Variants in NAA16 observed in about 807,000 individuals in gnomAD.
NAA16 encodes the protein N-alpha-acetyltransferase 16, NatA auxiliary subunit, also known as NARG1-like protein.
Under a neutral mutation model 110.3 loss-of-function variants are expected in NAA16, and 97 were observed. That is an observed-to-expected ratio of 0.88 (90% CI 0.75 to 1.04). The LOEUF (loss-of-function observed/expected upper bound fraction) is 1.04. Among genes scored for constraint, NAA16 ranks in the 50% least tolerant of loss-of-function variants. NAA16 has a pLI of 0.00. For synonymous variants in NAA16, 372 were observed against 330.6 expected, an observed-to-expected ratio of 1.13 and a Z score of -1.36; for missense variants, 1,017 against 1,005.1, an observed-to-expected ratio of 1.01 and a Z score of -0.16.
At chr13:41,353,512 C>T (rs1048954630) in intron 9 of NAA16, among the ~76,000 whole-genome samples, 2 of 151,272 alleles carry the variant, frequency 1.3e-5, no homozygotes, top group Non-Finnish European at 2.9e-5. Context: ...CACCTGTAAT[C>T]CCAGCACTTT....
intron 13 of NAA16, among the ~76,000 whole-genome samples, chr13:41,365,289 A>G (rs933286647): frequency 2.0e-5 from 3 of 152,200 alleles, no homozygotes; most frequent in African/African-American, 7.2e-5. Context: ...TCTACAAATG[A>G]TAAATCACAT....
At chr13:41,368,206 A>AC (rs771117668) in intron 14 of NAA16, among the ~76,000 whole-genome samples, 9 of 152,180 alleles carry the variant, frequency 5.9e-5, no homozygotes, top group Non-Finnish European at 1.0e-4. Flanking sequence ...ATCAGTGAGA[A>AC]TATCTGTACA....
intron 9 of NAA16, among the ~76,000 whole-genome samples, chr13:41,343,398 A>G (rs537004234): frequency 1.5e-3 from 223 of 152,272 alleles, no homozygotes; most frequent in Non-Finnish European, 2.2e-3. Flanking sequence ...CTCTAAGAGC[A>G]TTTTAAATGT....
intron 9 of NAA16, among the ~76,000 whole-genome samples, chr13:41,349,118 C>T (rs939582643): frequency 1.3e-5 from 2 of 151,930 alleles, no homozygotes; most frequent in African/African-American, 2.4e-5. Context: ...TTAATTTTCA[C>T]TTTATTGTGT....
chr13:41,330,732 A>C (rs2042217057), intron 7 of NAA16, among the ~76,000 whole-genome samples: 1 of 152,052 alleles, frequency 6.6e-6, no homozygotes, highest in Admixed American at 6.6e-5. Flanking sequence ...AGTGTAATTT[A>C]TATCTTTTGG....
At chr13:41,370,796 TA>T (rs2043300897) in intron 15 of NAA16, among the ~76,000 whole-genome samples, 1 of 152,146 alleles carries the variant, frequency 6.6e-6, no homozygotes, top group Non-Finnish European at 1.5e-5. Context: ...TCAGGGGTCA[TA>T]AGGACCTTTA....
At chr13:41,328,160 T>C (rs2042142410) in intron 6 of NAA16, 1 of 152,146 alleles carries the variant, frequency 6.6e-6, no homozygotes, top group Admixed American at 6.6e-5. Context: ...TTGTGTGGCT[T>C]AGTAAAAGGA....
intron 16 of NAA16, 62 bp from the exon 17 acceptor site, chr13:41,372,670 T>G (rs2043345396): frequency 1.4e-6 from 2 of 1,446,054 alleles, no homozygotes; most frequent in Non-Finnish European, 1.8e-6. Context: ...GAGACTGAAA[T>G]AAAGTGAGGA....
intron 9 of NAA16, among the ~76,000 whole-genome samples, chr13:41,353,768 T>TACAC (rs58020530): frequency 6.3e-4 from 93 of 146,746 alleles, no homozygotes; most frequent in East Asian, 4.8e-3. Flanking sequence ...CCCTGTCTCT[T>TACAC]ACACACACAC....
chr13:41,316,966 C>T (rs1053134516), intron 2 of NAA16, 36 bp downstream of exon 2: 10 of 1,417,902 alleles, frequency 7.1e-6, no homozygotes, highest in East Asian at 4.6e-5. Flanking sequence ...TTAGGGAAAT[C>T]AAATTCTAAA....
chr13:41,371,219 T>G (rs1172910656), intron 15 of NAA16, among the ~76,000 whole-genome samples: 1 of 152,154 alleles, frequency 6.6e-6, no homozygotes, highest in Non-Finnish European at 1.5e-5. Context: ...ATAGAAGCAG[T>G]AGTGCCAGAA....
chr13:41,364,915 C>G (rs913883742), intron 13 of NAA16, among the ~76,000 whole-genome samples: 5 of 152,076 alleles, frequency 3.3e-5, no homozygotes, highest in African/African-American at 1.2e-4. Flanking sequence ...TCCGGGAACT[C>G]TGAGAGGTAG....
Position 41,375,494 on chromosome 13 carries a change from C to A in NAA16, c.2487C>A (p.Asn829Lys). The A allele has an allele frequency of 1.9e-6, 3 of 1,614,054 alleles. No individual in the cohort carries two copies. The highest frequency in any genetic ancestry group is 2.5e-6 in the Non-Finnish European group (3 of 1,179,950). Residue 829 changes from asparagine to lysine, a missense_variant, in exon 20 of 20, where the codon AAC (asparagine) becomes AAA (lysine). Transcript: ENST00000379406. ...AAGAATATAGGATGGCCTGTCATAA[C>A]CTGCTTCCTTTTACATCTGCCTTCT... is the stretch of plus-strand genomic sequence containing the variant. ...QYEEYRMACHNLLPFTSAFLP... is the reference protein window; with the variant it reads ...QYEEYRMACHKLLPFTSAFLP...
chr13:41,364,171 CT>C (rs1450255652), intron 13 of NAA16, among the ~76,000 whole-genome samples: 2 of 152,074 alleles, frequency 1.3e-5, no homozygotes, highest in African/African-American at 4.8e-5. Flanking sequence ...ACGGACACCT[CT>C]CAGAAATAAA....
Position 41,311,688 on chromosome 13 carries a change from G to T in NAA16, c.54+106G>T. ...GCGCGGGCCAGGCTTGGCCTCCGCTGCCCACCGCTCTTTGTTTACCTCGGA... is the reference window on the plus strand; with the variant it reads ...GCGCGGGCCAGGCTTGGCCTCCGCTTCCCACCGCTCTTTGTTTACCTCGGA... On this transcript the variant is annotated intron_variant, in intron 1 of 19. Coordinates refer to ENST00000379406, the MANE Select transcript of NAA16 (RefSeq NM_024561.5). 2.9e-6 allele frequency: 3 copies of T among 1,025,664 alleles called. No homozygotes were observed. The South Asian group carries it at 4.3e-5, about 15-fold the overall frequency. The allele number at this position is 1,025,664 out of a possible 1,614,324, so 63.5% of individuals were successfully genotyped here.
chr13:41,374,903 G>C, intron 19 of NAA16, 64 bp downstream of exon 19: 1 of 984,530 alleles, frequency 1.0e-6, no homozygotes, highest in South Asian at 1.5e-5. Context: ...TGTCTTTACA[G>C]CATAATTCTT....
chr13:41,341,475 G>A (rs149017245), intron 9 of NAA16, among the ~76,000 whole-genome samples: 1 of 152,308 alleles, frequency 6.6e-6, no homozygotes, highest in Admixed American at 6.5e-5. Flanking sequence ...CCAGCACTTT[G>A]GGAGGCTGAG....
intron 2 of NAA16, among the ~76,000 whole-genome samples, chr13:41,317,647 A>T (rs1041942287): frequency 6.6e-6 from 1 of 152,206 alleles, no homozygotes; most frequent in African/African-American, 2.4e-5. Context: ...TTTGAAGGAA[A>T]TGGAAAGAAA....
Position 41,315,866 on chromosome 13 carries a change from C to G in NAA16, c.55-980C>G, listed in dbSNP as rs950072990. Among the ~76,000 whole-genome samples, 5 of 151,638 alleles carry G rather than the reference C, an allele frequency of 3.3e-5. No individual in the cohort carries two copies. In the South Asian group the frequency reaches 1.0e-3, roughly 32 times the overall value. On this transcript the variant is annotated intron_variant, in intron 1 of 19. Coordinates refer to ENST00000379406, the MANE Select transcript of NAA16 (RefSeq NM_024561.5). ...CTTACTGCAGCCTCAGCCTCGTGGG[C>G]TCAAGTGATCCTCCCACCTCAGCCT...
Sources: gnomAD v4.1 joint callset for allele counts (sites outside exome capture counted in the v4.1 genomes callset) on GRCh38, gnomAD v4.1.1 for gene constraint, MANE v1.5 for transcripts, NCBI Gene and HGNC (gene_info 2026-07-23, HGNC 2026-07-21) for gene names.